The following MAGI1 variants were observed in gnomAD, a reference collection of about 807,000 sequenced individuals.
The protein encoded by MAGI1 is membrane-associated guanylate kinase, WW and PDZ domain-containing protein 1.
MAGI1 carries 58 observed loss-of-function variants against 139.9 expected under a neutral mutation model. The observed-to-expected ratio is 0.41, with a 90% CI of 0.34 to 0.52. The LOEUF (loss-of-function observed/expected upper bound fraction) is 0.52, where lower values mean the gene tolerates loss of function less well. MAGI1 is among the 20% of genes least tolerant of loss of function. The pLI, the probability that MAGI1 is intolerant of heterozygous loss-of-function variation, is 0.12. For missense variants in MAGI1, 1,874 were observed against 1,901.6 expected, an observed-to-expected ratio of 0.99 and a Z score of 0.27; for synonymous variants, 812 against 737.9, an observed-to-expected ratio of 1.10 and a Z score of -1.63.
Position 65,778,709 on chromosome 3 carries a change from C to G in MAGI1, c.314-156621G>C, listed in dbSNP as rs190591681. 2.3e-3 allele frequency among the ~76,000 whole-genome samples: 354 copies of G among 152,310 alleles called. 3 individuals carry two copies. The highest frequency in any genetic ancestry group is 8.1e-3 in the African/African-American group (335 of 41,580). On this transcript the variant is annotated intron_variant, in intron 1 of 22. Transcript: ENST00000402939. ...CTTTTGACTCTAGATTTCTGCCCAA[C>G]TTCTTAATATTTGCCAAACAGAAAA...
At chr3:65,367,040 C>T (rs375208284) in intron 18 of MAGI1, among the ~76,000 whole-genome samples, 3 of 152,154 alleles carry the variant, frequency 2.0e-5, no homozygotes, top group East Asian at 3.9e-4. Flanking sequence ...TGTGACTCTC[C>T]AGAACTTTCA....
chr3:65,606,898 T>G (rs767601234), intron 2 of MAGI1, among the ~76,000 whole-genome samples: 9 of 152,066 alleles, frequency 5.9e-5, no homozygotes, highest in Non-Finnish European at 1.0e-4. Flanking sequence ...GCTCAATCAA[T>G]CCACCCACCC....
chr3:65,749,018 A>G (rs2035926527), intron 1 of MAGI1, among the ~76,000 whole-genome samples: 1 of 152,184 alleles, frequency 6.6e-6, no homozygotes, highest in Non-Finnish European at 1.5e-5. Flanking sequence ...GGTGGACAGT[A>G]GATGTGTTAA....
chr3:65,702,869 C>A (rs2089711630), intron 1 of MAGI1, among the ~76,000 whole-genome samples: 1 of 152,052 alleles, frequency 6.6e-6, no homozygotes. Flanking sequence ...TAAGCAGCTC[C>A]TCCTTTTTAT....
At chr3:65,857,663 C>T (rs1339207827) in intron 1 of MAGI1, among the ~76,000 whole-genome samples, 4 of 152,092 alleles carry the variant, frequency 2.6e-5, no homozygotes, top group Non-Finnish European at 4.4e-5. Context: ...CCTTGGAAGA[C>T]CTTATAAAGG....
chr3:65,552,447 G>A (rs2107974272), intron 2 of MAGI1, among the ~76,000 whole-genome samples: 1 of 152,298 alleles, frequency 6.6e-6, no homozygotes, highest in African/African-American at 2.4e-5. Context: ...AGGGGTAAAA[G>A]AGTGGCTTAT....
At chr3:65,832,321 G>A (rs2042573851) in intron 1 of MAGI1, among the ~76,000 whole-genome samples, 1 of 152,162 alleles carries the variant, frequency 6.6e-6, no homozygotes, top group Non-Finnish European at 1.5e-5. Context: ...CAAGGGAGGG[G>A]CTAAGAGAGA....
intron 1 of MAGI1, among the ~76,000 whole-genome samples, chr3:65,792,814 G>T (rs2039877344): frequency 6.6e-6 from 1 of 152,050 alleles, no homozygotes. Context: ...AATTTCCATT[G>T]GATATTTTCA....
intron 1 of MAGI1, among the ~76,000 whole-genome samples, chr3:65,853,108 T>C (rs190232825): frequency 9.6e-4 from 146 of 152,050 alleles, no homozygotes; most frequent in Non-Finnish European, 1.7e-3. Context: ...ACCAAGTGCA[T>C]TGAGCCGAGA....
intron 1 of MAGI1, among the ~76,000 whole-genome samples, chr3:65,745,306 G>A (rs2035610691): frequency 1.3e-5 from 2 of 152,134 alleles, no homozygotes; most frequent in South Asian, 4.1e-4. Context: ...AGGACAGACA[G>A]TGCCCCCAGA....
chr3:65,546,816 TA>T (rs577735998), intron 2 of MAGI1, among the ~76,000 whole-genome samples: 1 of 151,906 alleles, frequency 6.6e-6, no homozygotes, highest in Non-Finnish European at 1.5e-5. Context: ...CTCTAACCCT[TA>T]AAAAAAAGTC....
At chr3:65,676,124 A>G (rs1487661393) in intron 1 of MAGI1, among the ~76,000 whole-genome samples, 1 of 152,220 alleles carries the variant, frequency 6.6e-6, no homozygotes, top group Non-Finnish European at 1.5e-5. Context: ...GTTTAACAGT[A>G]AATTTTGGAA....
chr3:65,503,984 A>G (rs1559615220), intron 2 of MAGI1, among the ~76,000 whole-genome samples: 1 of 152,210 alleles, frequency 6.6e-6, no homozygotes, highest in Non-Finnish European at 1.5e-5. Context: ...ATTATGTCAA[A>G]GAAAAATGTG....
chr3:65,548,509 CTCTTTTTTTT>C (rs2079617036), intron 2 of MAGI1, among the ~76,000 whole-genome samples: 1 of 117,368 alleles, frequency 8.5e-6, no homozygotes, highest in Non-Finnish European at 1.7e-5. Context: ...GCAAACAACA[CTCTTTTTTTT>C]TTTTTTTTTT....
At chr3:65,767,925 CAT>C (rs751632214) in intron 1 of MAGI1, among the ~76,000 whole-genome samples, 33 of 152,284 alleles carry the variant, frequency 2.2e-4, no homozygotes, top group Non-Finnish European at 4.1e-4. Context: ...CTTAAGCTAT[CAT>C]ATAAAAACTG....
intron 1 of MAGI1, among the ~76,000 whole-genome samples, chr3:65,944,191 G>A (rs995469061): frequency 7.2e-5 from 11 of 152,152 alleles, no homozygotes; most frequent in African/African-American, 2.7e-4. Flanking sequence ...AAAAGGGAAT[G>A]TTACTTGTTA....
intron 2 of MAGI1, among the ~76,000 whole-genome samples, chr3:65,584,532 A>T (rs1319320074): frequency 6.6e-6 from 1 of 152,178 alleles, no homozygotes; most frequent in Non-Finnish European, 1.5e-5. Context: ...TGGACGAGAA[A>T]CCTAGGAACA....
chr3:65,882,934 C>CAA (rs10574443), intron 1 of MAGI1, among the ~76,000 whole-genome samples: 2,989 of 86,920 alleles, frequency 0.034, 90 homozygotes, highest in East Asian at 0.17. Flanking sequence ...GACCCTGTCT[C>CAA]AAAAAAAAAA....
chr3:65,912,931 T>G (rs2108681943), intron 1 of MAGI1, among the ~76,000 whole-genome samples: 1 of 152,278 alleles, frequency 6.6e-6, no homozygotes, highest in African/African-American at 2.4e-5. Flanking sequence ...TCAGACATCA[T>G]GAAGAATAAA....
Sources: allele counts gnomAD v4.1 joint callset (sites outside exome capture counted in the v4.1 genomes callset), GRCh38; gene constraint gnomAD v4.1.1; transcripts MANE v1.5; gene names NCBI Gene and HGNC (gene_info 2026-07-23, HGNC 2026-07-21).